Variants in ANKAR observed in about 807,000 individuals in gnomAD.
ANKAR encodes the protein ankyrin and armadillo repeat containing, also known as ankyrin and armadillo repeat-containing protein.
Under a neutral mutation model 146.2 loss-of-function variants are expected in ANKAR, and 136 were observed. The ratio of observed to expected loss-of-function variants is 0.93; its 90% CI spans 0.81 to 1.07. The LOEUF (loss-of-function observed/expected upper bound fraction) is 1.07. Among genes scored for constraint, ANKAR ranks in the 50% least tolerant of loss-of-function variants. The pLI is 0.00. For synonymous variants in ANKAR, 500 were observed against 575.8 expected, an observed-to-expected ratio of 0.87 and a Z score of 1.88; for missense variants, 1,567 against 1,679.9, an observed-to-expected ratio of 0.93 and a Z score of 1.18.
chr2:189,728,162 G>A (rs368776569), intron 13 of ANKAR, 65 bp downstream of exon 13: 3 of 1,512,884 alleles, frequency 2.0e-6, no homozygotes, highest in African/African-American at 2.8e-5. Flanking sequence ...ATTGTTAAGT[G>A]AATAGAAAAA....
intron 14 of ANKAR, 67 bp from the exon 15 acceptor site, chr2:189,728,593 G>A (rs536662796): frequency 2.4e-5 from 38 of 1,551,904 alleles, no homozygotes; most frequent in Non-Finnish European, 3.2e-5. Context: ...GTCAGCCACC[G>A]TGTCCTCTGC....
chr2:189,682,600 C>T (rs2034899154), intron 2 of ANKAR, among the ~76,000 whole-genome samples: 1 of 152,174 alleles, frequency 6.6e-6, no homozygotes. Flanking sequence ...CATTGGGCTA[C>T]AGGGCTTTTA....
In ANKAR at chr2:189,696,974, G is replaced by A. The variant is rs367589474; in HGVS notation, c.1708+605G>A. 3.9e-5 allele frequency among the ~76,000 whole-genome samples: 6 copies of A among 152,150 alleles called. No individual in the cohort carries two copies. The East Asian group carries it at 5.8e-4, about 15-fold the overall frequency. On this transcript the variant is annotated intron_variant, in intron 7 of 22. Coordinates refer to ENST00000684021, the MANE Select transcript of ANKAR (RefSeq NM_001378068.1). ...GGTTAACCTCATTTAAACTTTAAAA[G>A]CTATTTTTGTGATTATTAAATATGC...
intron 10 of ANKAR, among the ~76,000 whole-genome samples, chr2:189,712,712 TCTC>T (rs1297637603): frequency 1.3e-5 from 2 of 152,096 alleles, no homozygotes; most frequent in East Asian, 3.9e-4. Flanking sequence ...GAGCACCTCT[TCTC>T]CTCCAAAGGA....
At chr2:189,689,402 A>G (rs977975298) in intron 2 of ANKAR, 125 bp from the exon 3 acceptor site, 6 of 809,194 alleles carry the variant, frequency 7.4e-6, no homozygotes, top group Non-Finnish European at 1.1e-5. Context: ...TACAGCATCT[A>G]ATTTTTCCTT....
At chr2:189,691,196 C>T (rs1393893959) in intron 3 of ANKAR, among the ~76,000 whole-genome samples, 2 of 152,124 alleles carry the variant, frequency 1.3e-5, no homozygotes, top group East Asian at 3.9e-4. Context: ...GCTGGGATTA[C>T]AGCCACCTGC....
chr2:189,711,045 A>C lies in ANKAR; in HGVS notation c.2120-4A>C, dbSNP rs2039620899. 1 of 1,609,778 alleles carries C rather than the reference A, an allele frequency of 6.2e-7. No individual in the cohort carries two copies. On this transcript the variant is annotated splice_region_variant and splice_polypyrimidine_tract_variant and intron_variant, in intron 9 of 22. Transcript: ENST00000684021. The stretch of plus-strand genomic sequence containing the variant: ...GCTGTGTTTTTCTGTTGAACACTTA[A>C]CAGAAATGTTACAGTGTGAAAGCTA...
intron 9 of ANKAR, among the ~76,000 whole-genome samples, chr2:189,709,809 G>A (rs2039450461): frequency 6.6e-6 from 1 of 152,176 alleles, no homozygotes; most frequent in African/African-American, 2.4e-5. Context: ...GAGGAAGTGA[G>A]AGGACCATCC....
At chr2:189,731,049 T>G (rs1202902380) in intron 16 of ANKAR, among the ~76,000 whole-genome samples, 1 of 152,218 alleles carries the variant, frequency 6.6e-6, no homozygotes, top group Non-Finnish European at 1.5e-5. Context: ...CAGCCCTGCC[T>G]TCTGTCAAGC....
At chr2:189,719,979 G>A (rs1429870950) in intron 11 of ANKAR, among the ~76,000 whole-genome samples, 166 bp downstream of exon 11, 1 of 152,166 alleles carries the variant, frequency 6.6e-6, no homozygotes, top group Non-Finnish European at 1.5e-5. Flanking sequence ...CGAAAAGTTG[G>A]CATTTGAGTA....
At chr2:189,739,003 G>A (rs1017309620) in intron 19 of ANKAR, among the ~76,000 whole-genome samples, 3 of 152,134 alleles carry the variant, frequency 2.0e-5, no homozygotes, top group African/African-American at 7.2e-5. Context: ...TAAAAAAACT[G>A]ATTTATAATA....
At chr2:189,708,780 A>G (rs1487587246) in intron 9 of ANKAR, among the ~76,000 whole-genome samples, 1 of 152,216 alleles carries the variant, frequency 6.6e-6, no homozygotes, top group East Asian at 1.9e-4. Flanking sequence ...GTTCAGTACT[A>G]TCCTCCGTTT....
At chr2:189,735,684 T>C (rs2042778268) in intron 17 of ANKAR, among the ~76,000 whole-genome samples, 1 of 152,238 alleles carries the variant, frequency 6.6e-6, no homozygotes, top group Admixed American at 6.5e-5. Flanking sequence ...TGATACTGTC[T>C]ACATGGAGAT....
intron 3 of ANKAR, 50 bp downstream of exon 3, chr2:189,690,014 A>C (rs1309447993): frequency 7.7e-7 from 1 of 1,298,282 alleles, no homozygotes; most frequent in Admixed American, 2.8e-5. Flanking sequence ...TATATTAAAT[A>C]TATGTTTAAA....
intron 2 of ANKAR, among the ~76,000 whole-genome samples, chr2:189,677,929 C>T (rs537985870): frequency 1.0e-3 from 159 of 152,256 alleles, no homozygotes; most frequent in African/African-American, 3.4e-3. Flanking sequence ...CATATAGTGA[C>T]TTCTTTTCCT....
In ANKAR at chr2:189,725,279, TACACACACAC is replaced by T. The variant is rs10546393; in HGVS notation, c.2636-2549_2636-2540del. ...TACATATTTTATATATATGGATTTA[TACACACACAC>T]ACACACACACACACACACACACACA... On this transcript the variant is annotated intron_variant, in intron 12 of 22. Coordinates refer to ENST00000684021, the MANE Select transcript of ANKAR (RefSeq NM_001378068.1). Among the ~76,000 whole-genome samples, 1,043 of 146,558 alleles carry T rather than the reference TACACACACAC, an allele frequency of 7.1e-3. 6 individuals carry two copies. The highest frequency in any genetic ancestry group is 0.012 in the South Asian group (54 of 4,590).
chr2:189,750,608 T>G (rs192789340), downstream of ANKAR: 3 of 1,592,686 alleles, frequency 1.9e-6, no homozygotes, highest in South Asian at 1.1e-5. Context: ...GTGGTACTTT[T>G]ATGGAAGCTT....
At chr2:189,705,296 AATT>A in intron 8 of ANKAR, 72 bp downstream of exon 8, 1 of 1,444,560 alleles carries the variant, frequency 6.9e-7, no homozygotes, top group Non-Finnish European at 9.5e-7. Context: ...GAAGAAAGAA[AATT>A]AAATAGAATA....
intron 3 of ANKAR, 40 bp downstream of exon 3, chr2:189,690,004 T>G (rs2036152657): frequency 6.1e-4 from 812 of 1,331,022 alleles, no homozygotes; most frequent in Non-Finnish European, 7.5e-4. Context: ...AATATAGGTA[T>G]ATATTAAATA....
Sources: gnomAD v4.1 joint callset for allele counts (sites outside exome capture counted in the v4.1 genomes callset) on GRCh38, gnomAD v4.1.1 for gene constraint, MANE v1.5 for transcripts, NCBI Gene and HGNC (gene_info 2026-07-23, HGNC 2026-07-21) for gene names.